Variants in RGS7 observed in about 807,000 individuals in gnomAD.
The protein encoded by RGS7 is regulator of G-protein signaling 7.
Under a neutral mutation model 81.1 loss-of-function variants are expected in RGS7, and 27 were observed. The ratio of observed to expected loss-of-function variants is 0.33; its 90% CI spans 0.25 to 0.46. RGS7 has a LOEUF of 0.46. Ranked by LOEUF, RGS7 falls within the 20% of genes least tolerant of loss-of-function variation. The probability of loss-of-function intolerance (pLI) is 1.00; values close to 1 mark genes in which losing one functional copy is unlikely to be tolerated. For synonymous variants in RGS7, 208 were observed against 207.7 expected, an observed-to-expected ratio of 1.00 and a Z score of -0.01; for missense variants, 396 against 607.4, an observed-to-expected ratio of 0.65 and a Z score of 3.66.
At chr1:241,169,260 CCTT>C (rs745420934) in intron 2 of RGS7, among the ~76,000 whole-genome samples, 156 of 151,510 alleles carry the variant, frequency 1.0e-3, no homozygotes, top group East Asian at 1.4e-3. Flanking sequence ...AGTTTATCCT[CCTT>C]AAGAAAATCA....
At chr1:241,008,920 A>C (rs2058818635) in intron 3 of RGS7, among the ~76,000 whole-genome samples, 1 of 142,506 alleles carries the variant, frequency 7.0e-6, no homozygotes, top group African/African-American at 3.0e-5. Flanking sequence ...TCCAAAAAAA[A>C]AAAAAAAAAA....
At position 240,814,711 on chromosome 1, in the gene RGS7, C is replaced by T. The variant is rs754474773; in HGVS notation, c.845+5G>A. ...AAATTTATACAGACACTTTGAAATA[C>T]TCACCTGTCAGCGACTTTTGACATT... On this transcript the variant is annotated splice_donor_5th_base_variant and intron_variant, in intron 12 of 18. Coordinates refer to ENST00000440928, the MANE Select transcript of RGS7 (RefSeq NM_001364886.1). The T allele has an allele frequency of 1.9e-6, 3 of 1,558,396 alleles. No homozygotes were observed. The highest frequency in any genetic ancestry group is 2.7e-6 in the Non-Finnish European group (3 of 1,129,816).
chr1:241,288,609 T>G (rs2078940122), intron 2 of RGS7, among the ~76,000 whole-genome samples: 1 of 152,144 alleles, frequency 6.6e-6, no homozygotes, highest in Non-Finnish European at 1.5e-5. Context: ...AAAAAGGTGC[T>G]TTGCTGCAGA....
At chr1:241,083,185 C>T (rs2063236763) in intron 3 of RGS7, among the ~76,000 whole-genome samples, 2 of 141,920 alleles carry the variant, frequency 1.4e-5, no homozygotes, top group Admixed American at 7.3e-5. Flanking sequence ...AAGATCATGA[C>T]ACTGCACTCC....
chr1:241,287,237 G>C (rs954335763), intron 2 of RGS7, among the ~76,000 whole-genome samples: 1 of 152,178 alleles, frequency 6.6e-6, no homozygotes, highest in African/African-American at 2.4e-5. Flanking sequence ...AAATCCCTGT[G>C]ATATGGTTTG....
chr1:240,863,597 G>T (rs1192844760), intron 9 of RGS7, among the ~76,000 whole-genome samples: 1 of 152,128 alleles, frequency 6.6e-6, no homozygotes, highest in Non-Finnish European at 1.5e-5. Context: ...CAGCCCTGTT[G>T]GCAATAGCCC....
intron 2 of RGS7, among the ~76,000 whole-genome samples, chr1:241,149,292 G>A (rs1255047329): frequency 1.3e-5 from 2 of 152,024 alleles, no homozygotes; most frequent in East Asian, 1.9e-4. Context: ...CCAGTATCCC[G>A]AATAGTTGAG....
At chr1:241,027,424 A>G (rs765917582) in intron 3 of RGS7, among the ~76,000 whole-genome samples, 1 of 152,268 alleles carries the variant, frequency 6.6e-6, no homozygotes. Flanking sequence ...GTAGGGGAAT[A>G]ATGTGATGTG....
At chr1:240,896,145 G>T (rs1043397986) in intron 6 of RGS7, among the ~76,000 whole-genome samples, 15 of 152,070 alleles carry the variant, frequency 9.9e-5, no homozygotes, top group African/African-American at 3.6e-4. Context: ...ATTTTTTCTT[G>T]TAAGTTTGTT....
At chr1:240,961,161 G>GA (rs141934014) in intron 4 of RGS7, among the ~76,000 whole-genome samples, 6,880 of 149,934 alleles carry the variant, frequency 0.046, 171 homozygotes, top group African/African-American at 0.072. Flanking sequence ...TAGCCAATTA[G>GA]AAAAAAAAAG....
intron 2 of RGS7, among the ~76,000 whole-genome samples, chr1:241,324,834 C>G (rs1420984010): frequency 1.3e-5 from 2 of 152,172 alleles, no homozygotes; most frequent in Non-Finnish European, 2.9e-5. Flanking sequence ...AGTTCAAAAG[C>G]TCTTTCTTAA....
At chr1:241,207,978 T>C (rs1351988507) in intron 2 of RGS7, among the ~76,000 whole-genome samples, 1 of 152,154 alleles carries the variant, frequency 6.6e-6, no homozygotes, top group African/African-American at 2.4e-5. Context: ...CGATCTCCGC[T>C]CACTGCAACC....
intron 2 of RGS7, among the ~76,000 whole-genome samples, chr1:241,350,348 G>A (rs1311547814): frequency 1.3e-5 from 2 of 152,066 alleles, no homozygotes; most frequent in African/African-American, 4.8e-5. Flanking sequence ...GGTCCAGAAA[G>A]TTTCTTTCAA....
intron 3 of RGS7, among the ~76,000 whole-genome samples, chr1:241,078,629 C>T (rs1164248347): frequency 6.6e-6 from 1 of 151,806 alleles, no homozygotes; most frequent in Non-Finnish European, 1.5e-5. Context: ...TTAGATTAAC[C>T]AAGATTTAAA....
chr1:240,915,354 C>G (rs1284982503), intron 6 of RGS7, among the ~76,000 whole-genome samples: 2 of 152,102 alleles, frequency 1.3e-5, no homozygotes, highest in Non-Finnish European at 2.9e-5. Context: ...GGTAGAGGCT[C>G]ACTGTGGGAC....
At chr1:240,797,627 C>T (rs1687298214) in intron 18 of RGS7, among the ~76,000 whole-genome samples, 2 of 152,040 alleles carry the variant, frequency 1.3e-5, no homozygotes, top group East Asian at 1.9e-4. Flanking sequence ...GCTGGGATTA[C>T]AGGCATGAGC....
intron 2 of RGS7, among the ~76,000 whole-genome samples, chr1:241,208,292 G>T (rs12037365): frequency 6.6e-6 from 1 of 152,044 alleles, no homozygotes; most frequent in East Asian, 1.9e-4. Context: ...GAGTCTCATG[G>T]CCATGTCTAA....
chr1:241,145,905 T>C (rs55803913), intron 2 of RGS7, among the ~76,000 whole-genome samples: 26,912 of 152,216 alleles, frequency 0.18, 5,899 homozygotes, highest in African/African-American at 0.51. Context: ...TTTCCCAAGA[T>C]GCTTTTTCCA....
intron 3 of RGS7, among the ~76,000 whole-genome samples, chr1:241,000,469 C>T (rs755573650): frequency 2.0e-5 from 3 of 152,090 alleles, no homozygotes; most frequent in Non-Finnish European, 4.4e-5. Flanking sequence ...CTCAAAACAT[C>T]TGAAAACAAA....
Sources: allele counts gnomAD v4.1 joint callset (sites outside exome capture counted in the v4.1 genomes callset), GRCh38; gene constraint gnomAD v4.1.1; transcripts MANE v1.5; gene names NCBI Gene and HGNC (gene_info 2026-07-23, HGNC 2026-07-21).